LPCAT2: variants seen among roughly 807,000 people sequenced by gnomAD.
LPCAT2 encodes the protein 1-AGP acyltransferase 11.
Under a neutral mutation model 64.7 loss-of-function variants are expected in LPCAT2, and 58 were observed. The ratio of observed to expected loss-of-function variants is 0.90; its 90% CI spans 0.73 to 1.12. LPCAT2 has a LOEUF of 1.12. Ranked by LOEUF, LPCAT2 falls within the 50% of genes most tolerant of loss-of-function variation. The pLI, the probability that LPCAT2 is intolerant of heterozygous loss-of-function variation, is 0.00. For synonymous variants in LPCAT2, 252 were observed against 245.3 expected (o/e 1.03, Z -0.26); for missense variants, 579 against 669.8 (o/e 0.86, Z 1.50).
At chr16:55,576,855 G>A (rs184280382) in intron 12 of LPCAT2, among the ~76,000 whole-genome samples, 26 of 152,088 alleles carry the variant, frequency 1.7e-4, no homozygotes, top group Non-Finnish European at 3.1e-4. Flanking sequence ...TTAGAGAGGG[G>A]AGTTATGGCA....
chr16:55,572,665 A>G (rs554856324), intron 11 of LPCAT2, among the ~76,000 whole-genome samples: 1 of 152,200 alleles, frequency 6.6e-6, no homozygotes, highest in South Asian at 2.1e-4. Context: ...GTCAAAACAC[A>G]TCAAACTAAG....
At chr16:55,532,639 C>G in intron 5 of LPCAT2, 185 bp from the exon 6 acceptor site, 2 of 285,044 alleles carry the variant, frequency 7.0e-6, no homozygotes. Flanking sequence ...TTCAGTAGTT[C>G]TTAATTAAAA....
chr16:55,516,822 G>A (rs1405506233), intron 1 of LPCAT2, among the ~76,000 whole-genome samples: 2 of 152,092 alleles, frequency 1.3e-5, no homozygotes, highest in Non-Finnish European at 2.9e-5. Context: ...CTCAACAACA[G>A]CAGAAAACAC....
chr16:55,509,105 CTAG>C lies in LPCAT2; in HGVS notation c.-73_-71del. 1 of 1,222,280 alleles carries C rather than the reference CTAG, an allele frequency of 8.2e-7. No homozygotes were observed. The highest frequency in any genetic ancestry group is 4.1e-5 in the Admixed American group (1 of 24,214). The allele number at this position is 1,222,280 out of a possible 1,614,324, so 75.7% of individuals were successfully genotyped here. On this transcript the variant is annotated 5_prime_UTR_variant, in exon 1 of 14. Transcript: ENST00000262134. ...CCCAGCGTCGCCCTAGGCTGGGACT[CTAG>C]TAGGTCTTCGGCTCAGTTTTGGCTG...
chr16:55,511,938 G>A (rs139699899), intron 1 of LPCAT2, among the ~76,000 whole-genome samples: 118 of 152,210 alleles, frequency 7.8e-4, no homozygotes, highest in African/African-American at 2.8e-3. Flanking sequence ...GAGAATCTCA[G>A]CCAGTGACCT....
intron 13 of LPCAT2, 42 bp downstream of exon 13, chr16:55,579,286 G>A: frequency 1.9e-6 from 3 of 1,594,888 alleles, no homozygotes; most frequent in Non-Finnish European, 2.6e-6. Context: ...TTACAAGGAG[G>A]ACATCCAGAC....
chr16:55,523,446 T>G (rs1963125850), intron 1 of LPCAT2, among the ~76,000 whole-genome samples: 1 of 151,704 alleles, frequency 6.6e-6, no homozygotes, highest in African/African-American at 2.4e-5. Flanking sequence ...TTATTTTTAG[T>G]GAAATGAAAA....
chr16:55,576,185 C>CTTT (rs5817022), intron 12 of LPCAT2, among the ~76,000 whole-genome samples: 3 of 145,576 alleles, frequency 2.1e-5, no homozygotes, highest in East Asian at 2.0e-4. Context: ...CTATAATTAG[C>CTTT]TTTTTTTTTT....
At chr16:55,560,542 T>C (rs1963624384) in intron 11 of LPCAT2, among the ~76,000 whole-genome samples, 1 of 152,044 alleles carries the variant, frequency 6.6e-6, no homozygotes. Context: ...TAAATTAAAT[T>C]AACATATAGC....
intron 1 of LPCAT2, among the ~76,000 whole-genome samples, chr16:55,509,991 CTTTTTT>C (rs57496150): frequency 9.8e-6 from 1 of 102,528 alleles, no homozygotes; most frequent in South Asian, 3.6e-4. Context: ...TTGAAGAAGT[CTTTTTT>C]TTTTTTTTTT....
intron 8 of LPCAT2, chr16:55,541,910 C>G: frequency 7.8e-7 from 1 of 1,284,960 alleles, no homozygotes; most frequent in Non-Finnish European, 1.0e-6. Flanking sequence ...CATTTTTTCT[C>G]TTCGAAGATT....
At chr16:55,529,769 A>G (rs562263227) in intron 3 of LPCAT2, 66 bp from the exon 4 acceptor site, 3 of 697,302 alleles carry the variant, frequency 4.3e-6, no homozygotes, top group East Asian at 2.7e-5. Flanking sequence ...TTATATATCC[A>G]GTATTATTGC....
At chr16:55,514,769 G>T (rs8047179) in intron 1 of LPCAT2, among the ~76,000 whole-genome samples, 72,795 of 151,968 alleles carry the variant, frequency 0.48, 18,118 homozygotes, top group Non-Finnish European at 0.55. Context: ...ACTATACAAA[G>T]ACTTTAAATC....
rs573318769 is a variant in LPCAT2, at chr16:55,566,647, G to A, written c.1216-7984G>A. On this transcript the variant is annotated intron_variant, in intron 11 of 13. Coordinates refer to ENST00000262134, the MANE Select transcript of LPCAT2 (RefSeq NM_017839.5). The stretch of plus-strand genomic sequence containing the variant: ...CATCATGGGGCGTGGTGCAGTGTAA[G>A]CAGGTAAAGAAAAGCCAGTTCTTCC... 4 of 1,148,702 alleles carry A rather than the reference G, an allele frequency of 3.5e-6. No homozygotes were observed. In the Admixed American group the frequency reaches 1.1e-4, roughly 31 times the overall value. 71.2% of individuals were successfully genotyped at this position (1,148,702 alleles called of 1,614,324 possible).
intron 7 of LPCAT2, among the ~76,000 whole-genome samples, chr16:55,536,276 G>A (rs950595363): frequency 1.3e-5 from 2 of 152,288 alleles, no homozygotes; most frequent in Admixed American, 6.5e-5. Context: ...GAGAAGTTTT[G>A]TATCAGACTA....
intron 1 of LPCAT2, among the ~76,000 whole-genome samples, chr16:55,511,171 G>A (rs1962926797): frequency 6.6e-6 from 1 of 152,090 alleles, no homozygotes; most frequent in South Asian, 2.1e-4. Flanking sequence ...ATTGTTTGTT[G>A]ATCTTAATAT....
At chr16:55,545,006 G>T (rs530816987) in intron 8 of LPCAT2, among the ~76,000 whole-genome samples, 235 of 152,146 alleles carry the variant, frequency 1.5e-3, no homozygotes, top group Non-Finnish European at 2.7e-3. Context: ...CAGGAAATAG[G>T]GTCCTATTAA....
At chr16:55,578,063 C>G (rs991864380) in intron 12 of LPCAT2, among the ~76,000 whole-genome samples, 1 of 152,134 alleles carries the variant, frequency 6.6e-6, no homozygotes, top group Non-Finnish European at 1.5e-5. Context: ...GAACACACCC[C>G]CTTAGCTTCT....
In LPCAT2 at chr16:55,509,991, C is replaced by CTTTTTTTTTTTTTTTT. The variant is rs57496150; in HGVS notation, c.171+641_171+656dup. Among the ~76,000 whole-genome samples, 647 of 102,486 alleles carry CTTTTTTTTTTTTTTTT rather than the reference C, an allele frequency of 6.3e-3. 66 individuals carry two copies. Among genetic ancestry groups the CTTTTTTTTTTTTTTTT allele is most frequent in the Non-Finnish European group, 8.8e-3 (462 of 52,360 alleles). The allele number at this position is 102,486 out of a possible 152,430, so 67.2% of individuals were successfully genotyped here. ...TACGGGAGAGTAGATTTGAAGAAGT[C>CTTTTTTTTTTTTTTTT]TTTTTTTTTTTTTTTTTGCCTTAGG... On this transcript the variant is annotated intron_variant, in intron 1 of 13. Coordinates refer to ENST00000262134, the MANE Select transcript of LPCAT2 (RefSeq NM_017839.5).
Sources: gnomAD v4.1 joint callset for allele counts (sites outside exome capture counted in the v4.1 genomes callset) on GRCh38, gnomAD v4.1.1 for gene constraint, MANE v1.5 for transcripts, NCBI Gene and HGNC (gene_info 2026-07-23, HGNC 2026-07-21) for gene names.